The following CDH13 variants were observed in gnomAD, a reference collection of about 807,000 sequenced individuals.
CDH13 encodes the protein cadherin 13.
In CDH13, 24 loss-of-function variants were observed where a neutral mutation model predicts 63.8. That is an observed-to-expected ratio of 0.38 (90% CI 0.27 to 0.53). The LOEUF (loss-of-function observed/expected upper bound fraction) is 0.53, where lower values mean the gene tolerates loss of function less well. Among genes scored for constraint, CDH13 ranks in the 20% least tolerant of loss-of-function variants. The probability of loss-of-function intolerance (pLI) is 0.85; values close to 1 mark genes in which losing one functional copy is unlikely to be tolerated. For synonymous variants in CDH13, 503 were observed against 355.3 expected (o/e 1.42, Z -4.67); for missense variants, 1,049 against 903.1 (o/e 1.16, Z -2.07).
At chr16:83,385,146 C>G (rs1307688329) in intron 6 of CDH13, among the ~76,000 whole-genome samples, 4 of 152,116 alleles carry the variant, frequency 2.6e-5, no homozygotes, top group Non-Finnish European at 5.9e-5. Flanking sequence ...AACATTTCAT[C>G]CTATAAAAGT....
At chr16:82,945,307 C>T (rs940888228) in intron 2 of CDH13, among the ~76,000 whole-genome samples, 1 of 152,096 alleles carries the variant, frequency 6.6e-6, no homozygotes, top group Non-Finnish European at 1.5e-5. Context: ...TCTAATAAAA[C>T]TTAATACAAA....
At chr16:82,961,198 A>G (rs1243016089) in intron 2 of CDH13, among the ~76,000 whole-genome samples, 1 of 152,208 alleles carries the variant, frequency 6.6e-6, no homozygotes, top group Non-Finnish European at 1.5e-5. Context: ...ACTGAGGCCC[A>G]GAGATGAAGT....
chr16:83,509,145 C>G (rs752390122), intron 7 of CDH13, among the ~76,000 whole-genome samples: 3 of 152,200 alleles, frequency 2.0e-5, no homozygotes, highest in African/African-American at 7.2e-5. Context: ...TTAGGGTCAC[C>G]CTTTCTTACC....
At chr16:82,706,776 C>T (rs1356084159) in intron 1 of CDH13, among the ~76,000 whole-genome samples, 1 of 151,826 alleles carries the variant, frequency 6.6e-6, no homozygotes, top group East Asian at 1.9e-4. Flanking sequence ...TGTACTCCAG[C>T]CTGGGTGACA....
chr16:82,973,554 G>A (rs900675122), intron 2 of CDH13, among the ~76,000 whole-genome samples: 11 of 152,104 alleles, frequency 7.2e-5, no homozygotes, highest in African/African-American at 9.7e-5. Flanking sequence ...CTTTCAAGGC[G>A]CTCACGGTAA....
chr16:83,200,207 G>A (rs1327344699), intron 4 of CDH13, among the ~76,000 whole-genome samples: 1 of 152,130 alleles, frequency 6.6e-6, no homozygotes, highest in African/African-American at 2.4e-5. Flanking sequence ...TGTGAGCCTG[G>A]GCGCTGGGTG....
chr16:82,666,993 C>T (rs1011399247), intron 1 of CDH13, among the ~76,000 whole-genome samples: 2 of 152,144 alleles, frequency 1.3e-5, no homozygotes, highest in Non-Finnish European at 1.5e-5. Flanking sequence ...TTCTTAAACA[C>T]GCTTTGCCCT....
In CDH13 at chr16:83,755,155, A is replaced by G. The variant is rs117273218; in HGVS notation, c.1681+6905A>G. ...CACAAGAGATCTGAAATCTTTAAGA[A>G]GGAATCAGATAGATATTCCAGAACT... On this transcript the variant is annotated intron_variant, in intron 11 of 13. Transcript: ENST00000567109. Among the ~76,000 whole-genome samples, 657 of 152,342 alleles carry G rather than the reference A, an allele frequency of 4.3e-3. 3 individuals are homozygous for G. The highest frequency in any genetic ancestry group is 7.2e-3 in the Non-Finnish European group (493 of 68,036).
At chr16:83,167,363 G>T (rs1349419418) in intron 4 of CDH13, among the ~76,000 whole-genome samples, 1 of 151,844 alleles carries the variant, frequency 6.6e-6, no homozygotes, top group Non-Finnish European at 1.5e-5. Context: ...TGGGCATGCT[G>T]GTGCATACCT....
chr16:83,041,032 T>G (rs2151488065), intron 3 of CDH13, among the ~76,000 whole-genome samples: 1 of 152,248 alleles, frequency 6.6e-6, no homozygotes, highest in South Asian at 2.1e-4. Context: ...CTGACTAAAC[T>G]TCCTAGAGAA....
chr16:83,536,255 A>C (rs2075185685), intron 7 of CDH13, among the ~76,000 whole-genome samples: 1 of 152,234 alleles, frequency 6.6e-6, no homozygotes, highest in Non-Finnish European at 1.5e-5. Flanking sequence ...TGGGGGGACC[A>C]ATATTAGTCA....
intron 2 of CDH13, among the ~76,000 whole-genome samples, chr16:82,891,847 A>T (rs2041092858): frequency 6.6e-6 from 1 of 152,200 alleles, no homozygotes; most frequent in Non-Finnish European, 1.5e-5. Flanking sequence ...GGACATTCAT[A>T]TATGTGAATG....
intron 8 of CDH13, among the ~76,000 whole-genome samples, chr16:83,666,085 A>G (rs1913925069): frequency 6.6e-6 from 1 of 152,376 alleles, no homozygotes; most frequent in East Asian, 1.9e-4. Flanking sequence ...ACAGTTTAAC[A>G]GAAAAGTAAC....
At chr16:83,247,702 A>C (rs2113292) in intron 5 of CDH13, among the ~76,000 whole-genome samples, 2 of 152,062 alleles carry the variant, frequency 1.3e-5, no homozygotes, top group Non-Finnish European at 2.9e-5. Flanking sequence ...TCATTGATAC[A>C]GGAATTGGCT....
intron 4 of CDH13, among the ~76,000 whole-genome samples, chr16:83,206,239 G>A (rs183628954): frequency 1.4e-4 from 21 of 152,264 alleles, no homozygotes; most frequent in Admixed American, 3.9e-4. Flanking sequence ...GATTGCCTAC[G>A]AAGCCCTCTG....
At chr16:83,716,412 G>T (rs1908906184) in intron 10 of CDH13, among the ~76,000 whole-genome samples, 1 of 152,134 alleles carries the variant, frequency 6.6e-6, no homozygotes, top group Admixed American at 6.6e-5. Flanking sequence ...TATCCCGTGT[G>T]CTCCACCCGT....
rs13336731 is a variant in CDH13 at position 83,065,425 on chromosome 16, C to T, written c.366+33207C>T. On this transcript the variant is annotated intron_variant, in intron 3 of 13. Coordinates refer to ENST00000567109, the MANE Select transcript of CDH13 (RefSeq NM_001257.5). ...GAAACAGATATAGACCACTTCCAGG[C>T]TGGGCGTGGTGGCTCGTGCCTGTAA... Among the ~76,000 whole-genome samples, 150 of 152,282 alleles carry T rather than the reference C, an allele frequency of 9.9e-4. 2 individuals carry two copies. Among genetic ancestry groups the T allele is most frequent in the African/African-American group, 3.4e-3 (140 of 41,576 alleles).
chr16:83,195,774 G>C (rs1478782765), intron 4 of CDH13, among the ~76,000 whole-genome samples: 1 of 152,132 alleles, frequency 6.6e-6, no homozygotes, highest in Non-Finnish European at 1.5e-5. Context: ...AGAGATACAT[G>C]GATCAGTGGA....
intron 5 of CDH13, among the ~76,000 whole-genome samples, chr16:83,261,607 C>T (rs1438063105): frequency 1.3e-5 from 2 of 152,018 alleles, no homozygotes; most frequent in African/African-American, 4.8e-5. Context: ...GGACAGCCCC[C>T]ATGACAAAGA....
Sources: gnomAD v4.1 joint callset for allele counts (sites outside exome capture counted in the v4.1 genomes callset) on GRCh38, gnomAD v4.1.1 for gene constraint, MANE v1.5 for transcripts, NCBI Gene and HGNC (gene_info 2026-07-23, HGNC 2026-07-21) for gene names.